TUBGCP3: variants seen among roughly 807,000 people sequenced by gnomAD.
TUBGCP3 encodes tubulin gamma complex component 3, also known as gamma-tubulin complex component 3.
Under a neutral mutation model 123.1 loss-of-function variants are expected in TUBGCP3, and 50 were observed. The ratio of observed to expected loss-of-function variants is 0.41; its 90% confidence interval spans 0.32 to 0.51. TUBGCP3 has a LOEUF of 0.51. TUBGCP3 is among the 20% of genes least tolerant of loss of function. The pLI, the probability that TUBGCP3 is intolerant of heterozygous loss-of-function variation, is 0.36. For synonymous variants in TUBGCP3, 405 were observed against 413.9 expected (o/e 0.98, Z 0.26); for missense variants, 882 against 1,127.0 (o/e 0.78, Z 3.11).
In TUBGCP3 at chr13:112,571,766, T is replaced by A. The variant is rs1416659315; in HGVS notation, c.77-2507A>T. ...TTAGTGTAGCCACCTTCCCCAATGA[T>A]CTCAGCTAGTTCTGGATGACTTGCT... is the stretch of plus-strand genomic sequence containing the variant. On this transcript the variant is annotated intron_variant, in intron 1 of 21. Coordinates refer to ENST00000261965, the MANE Select transcript of TUBGCP3 (RefSeq NM_006322.6). Among the ~76,000 whole-genome samples, 3 of 152,230 alleles carry A rather than the reference T, an allele frequency of 2.0e-5. No individual in the cohort carries two copies. In the East Asian group the frequency reaches 5.8e-4, roughly 29 times the overall value.
At chr13:112,598,998 C>CA in the TUBGCP3 span, among the ~76,000 whole-genome samples, 21,440 of 124,750 alleles carry the variant, frequency 0.17, 2,306 homozygotes, top group African/African-American at 0.33. Context: ...TCTATAAATA[C>CA]AAAAAAAAAA....
intron 21 of TUBGCP3, among the ~76,000 whole-genome samples, chr13:112,486,381 A>G (rs138637679): frequency 6.6e-6 from 1 of 152,356 alleles, no homozygotes; most frequent in African/African-American, 2.4e-5. Flanking sequence ...ACAAGGACAA[A>G]TTAGTGAAGA....
chr13:112,583,454 C>G (rs1473534832), intron 1 of TUBGCP3, among the ~76,000 whole-genome samples: 1 of 152,186 alleles, frequency 6.6e-6, no homozygotes, highest in Non-Finnish European at 1.5e-5. Flanking sequence ...GATACAAAGC[C>G]AAGGCAAGAC....
intron 17 of TUBGCP3, among the ~76,000 whole-genome samples, chr13:112,513,420 C>T (rs1881804713): frequency 6.6e-6 from 1 of 152,184 alleles, no homozygotes; most frequent in African/African-American, 2.4e-5. Context: ...AAAACTCTTG[C>T]CCCCAGCAAA....
At chr13:112,539,591 G>C (rs1423812308) in intron 11 of TUBGCP3, among the ~76,000 whole-genome samples, 1 of 152,168 alleles carries the variant, frequency 6.6e-6, no homozygotes, top group Non-Finnish European at 1.5e-5. Flanking sequence ...AAAATGACTA[G>C]CAAATTTAAA....
intron 1 of TUBGCP3, among the ~76,000 whole-genome samples, chr13:112,576,010 G>A (rs140573655): frequency 6.6e-6 from 1 of 152,338 alleles, no homozygotes; most frequent in East Asian, 1.9e-4. Context: ...GAACTAATTT[G>A]TAATAATTTG....
the TUBGCP3 span, among the ~76,000 whole-genome samples, chr13:112,600,820 C>T: frequency 5.2e-4 from 79 of 152,148 alleles, no homozygotes; most frequent in African/African-American, 1.1e-3. Context: ...TCTATAGTTA[C>T]GGTTTTTGAG....
In TUBGCP3 at chr13:112,485,771, T is replaced by C. The variant is rs1305364670; in HGVS notation, c.*222A>G. On this transcript the variant is annotated 3_prime_UTR_variant, in exon 22 of 22. Coordinates refer to ENST00000261965, the MANE Select transcript of TUBGCP3 (RefSeq NM_006322.6). ...GACTTTTAGAGACAAATGTGAACAG[T>C]GCAGCCAGCCTACTTGACTTAGGGA... 7 of 576,708 alleles carry C rather than the reference T, an allele frequency of 1.2e-5. No homozygotes were observed. The highest frequency in any genetic ancestry group is 9.4e-5 in the African/African-American group (5 of 53,110). 35.7% of individuals were successfully genotyped at this position (576,708 alleles called of 1,614,324 possible).
At chr13:112,531,342 T>C (rs1315464746) in intron 11 of TUBGCP3, among the ~76,000 whole-genome samples, 2 of 152,212 alleles carry the variant, frequency 1.3e-5, no homozygotes, top group South Asian at 2.1e-4. Flanking sequence ...TTGAGATCTA[T>C]ATTGCCCTTC....
chr13:112,498,692 A>G (rs1184516629), intron 20 of TUBGCP3: 8 of 1,369,336 alleles, frequency 5.8e-6, no homozygotes, highest in Non-Finnish European at 7.7e-6. Flanking sequence ...AGCATGGTGC[A>G]CGATCCACAA....
rs543735287 is a variant in TUBGCP3, at chr13:112,519,958, G to A, written c.1809C>T (p.Thr603=). 8.7e-6 allele frequency: 14 copies of A among 1,613,872 alleles called. No homozygotes were observed. Among genetic ancestry groups the A allele is most frequent in the Middle Eastern group, 1.6e-4 (1 of 6,080 alleles). ...ACTGTGCGTTGGTGGCTCTGACAGC[G>A]GTTTCTAGAATTCCAGTCAAGTTAT... ...YQHNLTGILE[T]AVRATNAQFD... is the part of the protein sequence containing the mutation. The change falls in exon 15 of 22, where the codon ACC becomes ACT. Residue 603 remains threonine, a synonymous_variant. Coordinates refer to ENST00000261965, the MANE Select transcript of TUBGCP3 (RefSeq NM_006322.6). This position sits in a 1 kb window ranked among gnomAD's most constrained non-coding sequence, Gnocchi z 6.2.
chr13:112,527,440 C>A lies in TUBGCP3; in HGVS notation c.1380G>T (p.Trp460Cys). Residue 460 changes from tryptophan (W) to cysteine (C), a missense_variant, in exon 12 of 22, where the codon TGG becomes TGT. Trp to Cys is a radical substitution (Grantham distance 215). Transcript: ENST00000261965. ...ATTTCCTCAAAGTATACTTGTCGTG[C>A]CACAGTCGATCTGTTTTAACTGTTG... ...SDPTVKTDRLWHDKYTLRKSM... is the reference protein window; with the variant it reads ...SDPTVKTDRLCHDKYTLRKSM... 1 of 1,610,160 alleles carries A rather than the reference C, an allele frequency of 6.2e-7. No individual in the cohort carries two copies.
intron 20 of TUBGCP3, among the ~76,000 whole-genome samples, chr13:112,495,920 G>A (rs1880498240): frequency 6.6e-6 from 1 of 151,996 alleles, no homozygotes; most frequent in African/African-American, 2.4e-5. Flanking sequence ...CTATTTAGTG[G>A]AAAAATTTTT....
At chr13:112,559,520 C>T (rs1880323729) in intron 3 of TUBGCP3, 121 bp from the exon 4 acceptor site, 1 of 769,292 alleles carries the variant, frequency 1.3e-6, no homozygotes, top group African/African-American at 1.8e-5. Flanking sequence ...ATAGTAACGT[C>T]AAATCTAACA....
chr13:112,517,978 T>C (rs1401254061), intron 16 of TUBGCP3, among the ~76,000 whole-genome samples: 1 of 152,052 alleles, frequency 6.6e-6, no homozygotes, highest in African/African-American at 2.4e-5. Context: ...AGGATATAAG[T>C]CAAAAGAGAA....
At chr13:112,574,363 G>A (rs188299423) in intron 1 of TUBGCP3, among the ~76,000 whole-genome samples, 3 of 137,068 alleles carry the variant, frequency 2.2e-5, no homozygotes, top group East Asian at 4.5e-4. Context: ...TCTTCAAGTG[G>A]GCACTCTGAG....
rs576489275 is a variant in TUBGCP3, at chr13:112,552,328, C to A, written c.966+1729G>T. On this transcript the variant is annotated intron_variant, in intron 8 of 21. Transcript: ENST00000261965. ...ACTTGCATAAGATGATGATATAAAC[C>A]CAGACATGATAAAACACTCCCTTCG... Among the ~76,000 whole-genome samples, 5 of 152,210 alleles carry A rather than the reference C, an allele frequency of 3.3e-5. No homozygotes were observed. The South Asian group carries it at 1.0e-3, about 32-fold the overall frequency.
At chr13:112,498,724 A>G (rs1387102499) in intron 20 of TUBGCP3, 2 of 1,466,566 alleles carry the variant, frequency 1.4e-6, no homozygotes, top group Non-Finnish European at 1.8e-6. Context: ...AGAGTGATGC[A>G]GAGCGGAGGC....
At chr13:112,498,728 C>T in intron 20 of TUBGCP3, 10 of 1,475,534 alleles carry the variant, frequency 6.8e-6, no homozygotes, top group South Asian at 5.4e-5. Context: ...TGATGCAGAG[C>T]GGAGGCAGCT....
Sources: gnomAD v4.1 joint callset for allele counts (sites outside exome capture counted in the v4.1 genomes callset) on GRCh38, gnomAD v4.1.1 for gene constraint, Gnocchi (gnomAD v3.1) non-coding constraint, MANE v1.5 for transcripts, NCBI Gene and HGNC (gene_info 2026-07-23, HGNC 2026-07-21) for gene names.